The following SLC30A8 variants were observed in gnomAD, a reference collection of about 807,000 sequenced individuals.
SLC30A8 encodes solute carrier family 30 member 8.
SLC30A8 carries 27 observed loss-of-function variants against 36.9 expected under a neutral mutation model. That is an observed-to-expected ratio of 0.73 (90% CI 0.54 to 1.01). The LOEUF (loss-of-function observed/expected upper bound fraction) is 1.01, where lower values mean the gene tolerates loss of function less well. Ranked by LOEUF, SLC30A8 falls within the 50% of genes least tolerant of loss-of-function variation. The pLI is 0.00. For missense variants in SLC30A8, 439 were observed against 452.0 expected (o/e 0.97, Z 0.26); for synonymous variants, 164 against 172.4 (o/e 0.95, Z 0.38).
intron 1 of SLC30A8, among the ~76,000 whole-genome samples, chr8:117,020,660 T>C (rs1816667698): frequency 1.2e-5 from 1 of 86,366 alleles, no homozygotes; most frequent in Admixed American, 9.4e-5. Context: ...TACATCTATA[T>C]AAAATTGGAT....
intron 2 of SLC30A8, among the ~76,000 whole-genome samples, chr8:117,041,048 G>A (rs1420028495): frequency 6.6e-6 from 1 of 152,210 alleles, no homozygotes; most frequent in Non-Finnish European, 1.5e-5. Context: ...CAGCCACACA[G>A]GGAGGAATGC....
chr8:117,052,113 C>T (rs774231457), intron 2 of SLC30A8, among the ~76,000 whole-genome samples: 30 of 152,242 alleles, frequency 2.0e-4, no homozygotes, highest in Admixed American at 1.5e-3. Context: ...CGGGTTCAAG[C>T]GATTCTCCTG....
chr8:117,074,407 A>G (rs13253992), intron 2 of SLC30A8, among the ~76,000 whole-genome samples: 14,027 of 152,184 alleles, frequency 0.092, 851 homozygotes, highest in Non-Finnish European at 0.14. Context: ...GTTTTCTTCT[A>G]TAAAATGGGA....
intron 2 of SLC30A8, among the ~76,000 whole-genome samples, chr8:117,118,348 C>T (rs770456846): frequency 6.6e-6 from 1 of 151,900 alleles, no homozygotes; most frequent in Non-Finnish European, 1.5e-5. Context: ...AACACCTTTT[C>T]ACAGAGAGGT....
chr8:117,010,338 A>G (rs1265257751), intron 1 of SLC30A8, among the ~76,000 whole-genome samples: 2 of 152,192 alleles, frequency 1.3e-5, no homozygotes, highest in Non-Finnish European at 2.9e-5. Flanking sequence ...AGCTTCAGCC[A>G]GCTCCCACAG....
chr8:117,076,422 T>G (rs1430838480), intron 2 of SLC30A8, among the ~76,000 whole-genome samples: 5 of 152,186 alleles, frequency 3.3e-5, no homozygotes, highest in Non-Finnish European at 5.9e-5. Flanking sequence ...CTTTAGAAAT[T>G]TAAACTGCAG....
At chr8:117,096,876 A>T (rs1819386662) in intron 2 of SLC30A8, among the ~76,000 whole-genome samples, 1 of 152,004 alleles carries the variant, frequency 6.6e-6, no homozygotes, top group South Asian at 2.1e-4. Flanking sequence ...CCTCCCACTC[A>T]CACACAAAAT....
chr8:117,060,554 T>C (rs1048735517), intron 2 of SLC30A8, among the ~76,000 whole-genome samples: 3 of 152,164 alleles, frequency 2.0e-5, no homozygotes, highest in African/African-American at 7.2e-5. Context: ...ATAAAAATTT[T>C]ATTACCTGCT....
chr8:116,988,805 C>T (rs1815536759), intron 1 of SLC30A8, among the ~76,000 whole-genome samples: 1 of 152,202 alleles, frequency 6.6e-6, no homozygotes, highest in Non-Finnish European at 1.5e-5. Flanking sequence ...CTTACATTGG[C>T]AACTATACTT....
intron 2 of SLC30A8, among the ~76,000 whole-genome samples, chr8:117,081,499 T>G (rs1009363986): frequency 2.6e-5 from 4 of 152,182 alleles, no homozygotes; most frequent in African/African-American, 9.7e-5. Context: ...TCATGTAACC[T>G]TAATTGCCTC....
chr8:117,170,614 A>G (rs1409171530), intron 6 of SLC30A8, among the ~76,000 whole-genome samples: 2 of 152,150 alleles, frequency 1.3e-5, no homozygotes, highest in African/African-American at 4.8e-5. Flanking sequence ...TTTTACTACA[A>G]ATGTGCTGAG....
rs148858499 is a variant in SLC30A8, at chr8:117,079,369, C to T, written c.-226+40111C>T. ...CATAGTAGTCATTGTTGGTTGCCTA[C>T]GTGGCTTTTCTCTTCCACCATAAAA... On this transcript the variant is annotated intron_variant, in intron 2 of 10. Transcript: ENST00000427715. 3.5e-3 allele frequency among the ~76,000 whole-genome samples: 531 copies of T among 152,282 alleles called. 7 individuals are homozygous for T. Among genetic ancestry groups the T allele is most frequent in the African/African-American group, 0.012 (500 of 41,550 alleles).
intron 2 of SLC30A8, among the ~76,000 whole-genome samples, chr8:117,092,163 CA>C (rs1194063422): frequency 3.3e-5 from 5 of 152,158 alleles, no homozygotes; most frequent in Non-Finnish European, 5.9e-5. Flanking sequence ...TAGTTTTGTG[CA>C]GCATTTCAAC....
intron 2 of SLC30A8, among the ~76,000 whole-genome samples, chr8:117,117,072 A>G (rs978590945): frequency 5.9e-5 from 9 of 152,012 alleles, no homozygotes; most frequent in Non-Finnish European, 1.3e-4. Flanking sequence ...ATTTGTAGCT[A>G]TCAGCATTTT....
At chr8:117,114,274 C>T (rs1820351859) in intron 2 of SLC30A8, among the ~76,000 whole-genome samples, 1 of 151,998 alleles carries the variant, frequency 6.6e-6, no homozygotes, top group Non-Finnish European at 1.5e-5. Context: ...AAAAACTGCC[C>T]ATATTCAATT....
chr8:117,086,368 C>A (rs7833712), intron 2 of SLC30A8, among the ~76,000 whole-genome samples: 8,946 of 152,264 alleles, frequency 0.059, 305 homozygotes, highest in East Asian at 0.12. Flanking sequence ...TGCCACCCCA[C>A]TAATAATGGG....
At chr8:117,151,663 A>G (rs1486780930) in intron 2 of SLC30A8, among the ~76,000 whole-genome samples, 2 of 152,176 alleles carry the variant, frequency 1.3e-5, no homozygotes, top group Admixed American at 6.5e-5. Context: ...GATTTAGACT[A>G]TATTTCAGCC....
chr8:116,995,612 G>A (rs1815788451), intron 1 of SLC30A8, among the ~76,000 whole-genome samples: 1 of 152,090 alleles, frequency 6.6e-6, no homozygotes, highest in South Asian at 2.1e-4. Flanking sequence ...AGAGCCCAAA[G>A]GGGAGGCACT....
chr8:116,951,873 T>C (rs1314153764), intron 1 of SLC30A8, among the ~76,000 whole-genome samples: 1 of 151,804 alleles, frequency 6.6e-6, no homozygotes, highest in Non-Finnish European at 1.5e-5. Context: ...AAAGATGGGA[T>C]TGGGCTCTCA....
Sources: gnomAD v4.1 joint callset for allele counts (sites outside exome capture counted in the v4.1 genomes callset) on GRCh38, gnomAD v4.1.1 for gene constraint, MANE v1.5 for transcripts, NCBI Gene and HGNC (gene_info 2026-07-23, HGNC 2026-07-21) for gene names.